Variants in MREG observed in about 807,000 individuals in gnomAD.
MREG encodes the protein melanoregulin.
Under a neutral mutation model 28.5 loss-of-function variants are expected in MREG, and 31 were observed. The ratio of observed to expected loss-of-function variants is 1.09; its 90% confidence interval spans 0.82 to 1.47. The LOEUF (loss-of-function observed/expected upper bound fraction) is 1.47. Among genes scored for constraint, MREG ranks in the 40% most tolerant of loss-of-function variants. The pLI, the probability that MREG is intolerant of heterozygous loss-of-function variation, is 0.00. For missense variants in MREG, 256 were observed against 257.4 expected (o/e 0.99, Z 0.04); for synonymous variants, 106 against 95.2 (o/e 1.11, Z -0.66).
chr2:215,971,753 C>G (rs768674008), intron 2 of MREG, among the ~76,000 whole-genome samples: 1 of 152,212 alleles, frequency 6.6e-6, no homozygotes, highest in Non-Finnish European at 1.5e-5. Context: ...TCTCAACTTA[C>G]TGTAGCTGGG....
At position 215,964,872 on chromosome 2, in the gene MREG, T is replaced by C. The variant is rs949813551; in HGVS notation, c.256-17759A>G. On this transcript the variant is annotated intron_variant, in intron 2 of 4. Transcript: ENST00000263268. ...ATAGATAGATAGATAGATAGATAGA[T>C]AGATAGATAGACAGACAGATATCTC... 8.9e-5 allele frequency among the ~76,000 whole-genome samples: 9 copies of C among 101,166 alleles called. No homozygotes were observed. The East Asian group carries it at 1.9e-3, about 22-fold the overall frequency. 66.4% of individuals were successfully genotyped at this position (101,166 alleles called of 152,430 possible).
At chr2:216,006,067 T>C (rs1694146714) in intron 1 of MREG, among the ~76,000 whole-genome samples, 1 of 152,128 alleles carries the variant, frequency 6.6e-6, no homozygotes, top group Non-Finnish European at 1.5e-5. Flanking sequence ...TTAAGCAGAG[T>C]TTATACTTTT....
chr2:215,989,078 AC>A (rs141640014), intron 2 of MREG, among the ~76,000 whole-genome samples: 16,718 of 152,052 alleles, frequency 0.11, 1,232 homozygotes, highest in East Asian at 0.38. Flanking sequence ...TGGGTCCCTG[AC>A]CCCTATGCCT....
At chr2:215,993,263 G>A (rs1402822839) in intron 2 of MREG, among the ~76,000 whole-genome samples, 1 of 152,024 alleles carries the variant, frequency 6.6e-6, no homozygotes, top group Non-Finnish European at 1.5e-5. Flanking sequence ...CAGAAGTAAC[G>A]CCACACATCT....
intron 1 of MREG, among the ~76,000 whole-genome samples, chr2:216,005,444 C>CTT (rs58288878): frequency 0.2 from 17,294 of 85,722 alleles, 2,916 homozygotes; most frequent in Non-Finnish European, 0.3. Flanking sequence ...TCTAGTTATT[C>CTT]TTTTTTTTTT....
intron 2 of MREG, among the ~76,000 whole-genome samples, chr2:215,963,348 T>C (rs1318221699): frequency 6.6e-6 from 1 of 150,626 alleles, no homozygotes; most frequent in Non-Finnish European, 1.5e-5. Flanking sequence ...GAGGATGGCT[T>C]GAGCCTGGGA....
chr2:215,961,051 C>A, intron 2 of MREG, among the ~76,000 whole-genome samples: 1 of 152,266 alleles, frequency 6.6e-6, no homozygotes, highest in East Asian at 1.9e-4. Context: ...GGAAAAGGAT[C>A]AAATGACACA....
chr2:215,961,783 A>G (rs944035543), intron 2 of MREG, among the ~76,000 whole-genome samples: 1 of 152,102 alleles, frequency 6.6e-6, no homozygotes, highest in Non-Finnish European at 1.5e-5. Context: ...TCCCAGGAAA[A>G]ACTGGGTCTT....
intron 1 of MREG, among the ~76,000 whole-genome samples, chr2:216,031,665 A>AAGAGAGAAAGAAAGAAAGAAAGAAAG (rs1218609784): frequency 1.2e-5 from 1 of 84,862 alleles, no homozygotes; most frequent in African/African-American, 4.3e-5. Flanking sequence ...GAAAGAAAGA[A>AAGAGAGAAAGAAAGAAAGAAAGAAAG]AGAAAGAAAG....
chr2:215,991,939 G>A (rs540836459), intron 2 of MREG, among the ~76,000 whole-genome samples: 19 of 152,132 alleles, frequency 1.2e-4, no homozygotes, highest in Admixed American at 2.6e-4. Flanking sequence ...AGGACCAGAC[G>A]GATTCACAGC....
intron 2 of MREG, among the ~76,000 whole-genome samples, chr2:215,949,091 T>C (rs547018846): frequency 1.8e-4 from 24 of 134,552 alleles, no homozygotes; most frequent in Non-Finnish European, 2.6e-4. Context: ...CTACTACTAA[T>C]AATAATAATA....
At chr2:216,011,092 T>C (rs1457139461) in intron 1 of MREG, among the ~76,000 whole-genome samples, 2 of 108,076 alleles carry the variant, frequency 1.9e-5, no homozygotes, top group African/African-American at 7.9e-5. Flanking sequence ...CAAGACTCCG[T>C]CTCAAAAAAA....
chr2:215,985,481 C>G (rs948512400), intron 2 of MREG, among the ~76,000 whole-genome samples: 8 of 152,114 alleles, frequency 5.3e-5, no homozygotes, highest in Non-Finnish European at 8.8e-5. Flanking sequence ...CTCCAGAAGC[C>G]TTATGTAAAT....
At chr2:215,988,238 C>A (rs142485156) in intron 2 of MREG, among the ~76,000 whole-genome samples, 1 of 152,138 alleles carries the variant, frequency 6.6e-6, no homozygotes, top group Non-Finnish European at 1.5e-5. Flanking sequence ...GTGCAGCCCA[C>A]AGAGGGCAAG....
chr2:216,011,091 G>A (rs570708079), intron 1 of MREG, among the ~76,000 whole-genome samples: 1,560 of 103,994 alleles, frequency 0.015, 11 homozygotes, highest in Middle Eastern at 0.029. Flanking sequence ...GCAAGACTCC[G>A]TCTCAAAAAA....
intron 2 of MREG, among the ~76,000 whole-genome samples, chr2:215,972,380 C>T (rs1175132497): frequency 6.6e-6 from 1 of 152,184 alleles, no homozygotes; most frequent in South Asian, 2.1e-4. Flanking sequence ...CAGTGGCTCA[C>T]ACCTGTAATC....
intron 1 of MREG, among the ~76,000 whole-genome samples, chr2:216,031,689 A>AG (rs1559204138): frequency 3.0e-5 from 1 of 32,942 alleles, no homozygotes; most frequent in African/African-American, 1.3e-4. Flanking sequence ...GAAAGAAAGA[A>AG]AGAGAAAGAA....
chr2:215,945,058 T>C, intron 4 of MREG, 61 bp from the exon 5 acceptor site: 1 of 1,481,386 alleles, frequency 6.8e-7, no homozygotes, highest in Non-Finnish European at 9.1e-7. Context: ...GACATGTCGA[T>C]GGGAAAAAGC....
At chr2:215,980,867 G>GGGGAC (rs1693409677) in intron 2 of MREG, among the ~76,000 whole-genome samples, 1 of 148,486 alleles carries the variant, frequency 6.7e-6, no homozygotes, top group Non-Finnish European at 1.5e-5. Context: ...GGGGAGGGGA[G>GGGGAC]GGCAGGGCAG....
Sources: gnomAD v4.1 joint callset for allele counts (sites outside exome capture counted in the v4.1 genomes callset) on GRCh38, gnomAD v4.1.1 for gene constraint, MANE v1.5 for transcripts, NCBI Gene and HGNC (gene_info 2026-07-23, HGNC 2026-07-21) for gene names.